DPF3: variants seen among roughly 807,000 people sequenced by gnomAD.
DPF3 encodes zinc finger protein DPF3.
In DPF3, 18 loss-of-function variants were observed where a neutral mutation model predicts 56.8. That is an observed-to-expected ratio of 0.32 (90% CI 0.22 to 0.47). The LOEUF (loss-of-function observed/expected upper bound fraction) is 0.47. DPF3 is among the 20% of genes least tolerant of loss of function. The pLI, the probability that DPF3 is intolerant of heterozygous loss-of-function variation, is 1.00. For synonymous variants in DPF3, 188 were observed against 180.2 expected (o/e 1.04, Z -0.35); for missense variants, 403 against 488.8 (o/e 0.82, Z 1.65).
At chr14:72,659,849 A>G (rs1886155168) in intron 8 of DPF3, among the ~76,000 whole-genome samples, 1 of 152,260 alleles carries the variant, frequency 6.6e-6, no homozygotes, top group Admixed American at 6.5e-5. Flanking sequence ...CGGTTTACAC[A>G]TGCAATGAAA....
At chr14:72,755,184 T>C (rs1375579034) in intron 2 of DPF3, among the ~76,000 whole-genome samples, 4 of 152,166 alleles carry the variant, frequency 2.6e-5, no homozygotes, top group Admixed American at 6.5e-5. Context: ...CACAGGTAAG[T>C]AAGAGTGAGC....
At chr14:72,734,212 G>A (rs536639873) in intron 3 of DPF3, among the ~76,000 whole-genome samples, 81 of 152,284 alleles carry the variant, frequency 5.3e-4, no homozygotes, top group South Asian at 1.9e-3. Flanking sequence ...ATGCAATTAC[G>A]AATTGTCGTA....
intron 2 of DPF3, among the ~76,000 whole-genome samples, chr14:72,770,647 C>T (rs1425749462): frequency 6.6e-6 from 1 of 152,096 alleles, no homozygotes; most frequent in Non-Finnish European, 1.5e-5. Context: ...ATAGATGAAA[C>T]ACGATTGACC....
At chr14:72,641,063 A>G (rs2526919) in intron 8 of DPF3, among the ~76,000 whole-genome samples, 84,010 of 151,978 alleles carry the variant, frequency 0.55, 23,511 homozygotes, top group East Asian at 0.72. Flanking sequence ...CATGACATCC[A>G]AGGAAGAGGA....
intron 2 of DPF3, among the ~76,000 whole-genome samples, chr14:72,768,478 A>G (rs1342766581): frequency 6.6e-6 from 1 of 152,214 alleles, no homozygotes; most frequent in Non-Finnish European, 1.5e-5. Flanking sequence ...GCATAAAGCT[A>G]CATATACACA....
intron 2 of DPF3, among the ~76,000 whole-genome samples, chr14:72,760,365 C>A (rs1778617934): frequency 6.6e-6 from 1 of 152,254 alleles, no homozygotes; most frequent in Admixed American, 6.5e-5. Context: ...ATCAACACAT[C>A]TACTCTGACT....
rs546673718 is a variant in DPF3 at position 72,759,878 on chromosome 14, G to C, written c.194-6507C>G. On this transcript the variant is annotated intron_variant, in intron 2 of 10. Coordinates refer to ENST00000556509, the MANE Select transcript of DPF3 (RefSeq NM_001280542.3). ...GTTCAACATCCCTACAATACTGAAA[G>C]GGAAAAAAAAACTTGTCAAACTAGA... Among the ~76,000 whole-genome samples the C allele has an allele frequency of 1.9e-4, 29 of 151,418 alleles. No individual in the cohort carries two copies. The East Asian group carries it at 5.6e-3, about 29-fold the overall frequency.
chr14:72,616,639 C>T lies in DPF3; in HGVS notation c.*2658G>A, dbSNP rs190608115. Among the ~76,000 whole-genome samples the T allele has an allele frequency of 7.7e-4, 117 of 152,266 alleles. 1 individual carries two copies. Among genetic ancestry groups the T allele is most frequent in the African/African-American group, 2.6e-3 (109 of 41,552 alleles). ...TAGGCAGGGCAAGTGTTACTATCTC[C>T]ACTTTCCAGGTGGGCAATTGAGGTT... On this transcript the variant is annotated 3_prime_UTR_variant, in exon 11 of 11. Transcript: ENST00000556509.
intron 1 of DPF3, among the ~76,000 whole-genome samples, chr14:72,887,152 A>AAC (rs149200705): frequency 0.073 from 10,084 of 137,876 alleles, 464 homozygotes; most frequent in South Asian, 0.17. Context: ...TCTGCCTCCA[A>AAC]ACACACACAC....
At chr14:72,832,766 A>G (rs978343178) in intron 1 of DPF3, among the ~76,000 whole-genome samples, 21 of 152,170 alleles carry the variant, frequency 1.4e-4, no homozygotes, top group African/African-American at 4.3e-4. Flanking sequence ...CATGTTCTCT[A>G]TCCATATTAG....
chr14:72,847,679 TTTTTGTA>T lies in DPF3; in HGVS notation c.32+46371_32+46377del, dbSNP rs752430532. On this transcript the variant is annotated intron_variant, in intron 1 of 10. Coordinates refer to ENST00000556509, the MANE Select transcript of DPF3 (RefSeq NM_001280542.3). The stretch of plus-strand genomic sequence containing the variant: ...GGCACGTACCACCATGCCCAGCTAA[TTTTTGTA>T]TTTTTAGTAGAGACGGGCTTTCACC... Among the ~76,000 whole-genome samples, 57 of 152,164 alleles carry T rather than the reference TTTTTGTA, an allele frequency of 3.7e-4. 1 individual carries two copies. Among genetic ancestry groups the T allele is most frequent in the Non-Finnish European group, 6.0e-4 (41 of 67,986 alleles).
At chr14:72,635,649 T>A (rs1885363524) in intron 8 of DPF3, among the ~76,000 whole-genome samples, 1 of 152,242 alleles carries the variant, frequency 6.6e-6, no homozygotes, top group African/African-American at 2.4e-5. Context: ...AAAGCTAACC[T>A]AAGTCACTTA....
At chr14:72,753,435 T>A in intron 2 of DPF3, 64 bp from the exon 3 acceptor site, 1 of 1,298,842 alleles carries the variant, frequency 7.7e-7, no homozygotes, top group Non-Finnish European at 1.0e-6. Flanking sequence ...GAAACTACCC[T>A]GACTAACCCC....
At chr14:72,749,287 C>CT (rs1890457034) in intron 3 of DPF3, among the ~76,000 whole-genome samples, 1 of 152,232 alleles carries the variant, frequency 6.6e-6, no homozygotes, top group African/African-American at 2.4e-5. Context: ...GGATTTTGAA[C>CT]TTGCATGGGG....
intron 1 of DPF3, among the ~76,000 whole-genome samples, chr14:72,857,866 C>T (rs978820737): frequency 3.3e-5 from 5 of 152,210 alleles, no homozygotes; most frequent in Admixed American, 2.0e-4. Context: ...GGATTACAGG[C>T]GTGAGCCACC....
intron 3 of DPF3, among the ~76,000 whole-genome samples, chr14:72,749,318 G>A (rs1355770461): frequency 9.2e-5 from 14 of 152,184 alleles, no homozygotes; most frequent in Admixed American, 4.6e-4. Context: ...CTTTGTTTTG[G>A]CCAATCTCTC....
rs2109792 is a variant in DPF3 at position 72,747,576 on chromosome 14, C to A, written c.301+5688G>T. On this transcript the variant is annotated intron_variant, in intron 3 of 10. Transcript: ENST00000556509. ...CCCGAGGCAGGAGGATTGCTTGAGG[C>A]CAGGAGTTTGCAACCAGGCTGGGCA... 5.5e-3 allele frequency among the ~76,000 whole-genome samples: 832 copies of A among 151,164 alleles called. 8 individuals carry two copies. The highest frequency in any genetic ancestry group is 0.019 in the African/African-American group (799 of 41,100).
intron 1 of DPF3, among the ~76,000 whole-genome samples, chr14:72,828,537 T>TAAAAAA (rs3058950): frequency 0.096 from 8,375 of 86,934 alleles, 722 homozygotes; most frequent in Admixed American, 0.21. Flanking sequence ...GACCATGTCT[T>TAAAAAA]AAAAAAAAAA....
intron 8 of DPF3, among the ~76,000 whole-genome samples, chr14:72,663,246 G>C (rs1417854550): frequency 1.3e-5 from 2 of 150,582 alleles, no homozygotes; most frequent in Non-Finnish European, 2.9e-5. Flanking sequence ...CCCCAGAAAG[G>C]ACCTTTATGA....
Sources: gnomAD v4.1 joint callset for allele counts (sites outside exome capture counted in the v4.1 genomes callset) on GRCh38, gnomAD v4.1.1 for gene constraint, MANE v1.5 for transcripts, NCBI Gene and HGNC (gene_info 2026-07-23, HGNC 2026-07-21) for gene names.